ABTB2: variants seen among roughly 807,000 people sequenced by gnomAD.
The protein encoded by ABTB2 is ankyrin repeat and BTB domain containing 2.
In ABTB2, 56 loss-of-function variants were observed where a neutral mutation model predicts 104.1. The ratio of observed to expected loss-of-function variants is 0.54; its 90% CI spans 0.43 to 0.67. The LOEUF (loss-of-function observed/expected upper bound fraction) is 0.67, where lower values mean the gene tolerates loss of function less well. Among genes scored for constraint, ABTB2 ranks in the 30% least tolerant of loss-of-function variants. ABTB2 has a pLI of 0.00. For synonymous variants in ABTB2, 606 were observed against 608.2 expected, an observed-to-expected ratio of 1.00 and a Z score of 0.05; for missense variants, 1,279 against 1,407.7, an observed-to-expected ratio of 0.91 and a Z score of 1.46.
At chr11:34,255,008 G>T (rs771304590) in intron 1 of ABTB2, among the ~76,000 whole-genome samples, 6 of 152,074 alleles carry the variant, frequency 3.9e-5, no homozygotes, top group Non-Finnish European at 7.4e-5. Context: ...GCCACATATG[G>T]TTAGTGGGTA....
intron 1 of ABTB2, among the ~76,000 whole-genome samples, chr11:34,283,294 C>T (rs1854469761): frequency 1.3e-5 from 2 of 152,162 alleles, no homozygotes; most frequent in Non-Finnish European, 2.9e-5. Flanking sequence ...CAGCTCACTA[C>T]AACCTCCACC....
At chr11:34,159,811 G>A (rs1365297748) in intron 13 of ABTB2, 95 bp downstream of exon 13, 1 of 985,058 alleles carries the variant, frequency 1.0e-6, no homozygotes, top group South Asian at 1.4e-5. Flanking sequence ...AGGCTGCAGG[G>A]TACAGCCCCA....
intron 1 of ABTB2, among the ~76,000 whole-genome samples, chr11:34,334,908 A>C (rs1336660601): frequency 9.2e-5 from 14 of 152,144 alleles, no homozygotes; most frequent in African/African-American, 3.4e-4. Flanking sequence ...CAACCTATAC[A>C]ATGTGGGTGT....
intron 3 of ABTB2, among the ~76,000 whole-genome samples, 156 bp from the exon 4 acceptor site, chr11:34,173,463 TAG>T (rs1023051126): frequency 5.3e-5 from 8 of 151,904 alleles, no homozygotes; most frequent in African/African-American, 1.9e-4. Context: ...GGGTCAGGCC[TAG>T]AGAGAGTGCT....
chr11:34,159,008 C>A (rs1852670475), intron 14 of ABTB2, among the ~76,000 whole-genome samples: 1 of 152,216 alleles, frequency 6.6e-6, no homozygotes, highest in African/African-American at 2.4e-5. Flanking sequence ...GACTCACACC[C>A]CAGCTGTGTG....
At chr11:34,303,731 C>A (rs975300712) in intron 1 of ABTB2, among the ~76,000 whole-genome samples, 2 of 146,646 alleles carry the variant, frequency 1.4e-5, no homozygotes, top group Non-Finnish European at 3.0e-5. Flanking sequence ...CAGCCTCTGT[C>A]TCCTGGGATC....
intron 1 of ABTB2, among the ~76,000 whole-genome samples, chr11:34,257,907 A>T (rs979134255): frequency 6.6e-6 from 1 of 151,992 alleles, no homozygotes; most frequent in Non-Finnish European, 1.5e-5. Context: ...CCTTGAGGAG[A>T]TATTCTCTAC....
At chr11:34,172,398 AT>A (rs1565131613) in intron 4 of ABTB2, among the ~76,000 whole-genome samples, 11 of 30,050 alleles carry the variant, frequency 3.7e-4, no homozygotes, top group African/African-American at 1.1e-3. Context: ...AAAAAAAAAT[AT>A]ATATATATAT....
intron 3 of ABTB2, chr11:34,189,271 C>CAAAAG (rs1180908485): frequency 6.6e-6 from 1 of 151,632 alleles, no homozygotes; most frequent in Non-Finnish European, 1.5e-5. Context: ...CTTGACTAGC[C>CAAAAG]AAAAGAAAAG....
At chr11:34,203,167 C>T (rs1273128838) in intron 2 of ABTB2, among the ~76,000 whole-genome samples, 1 of 152,170 alleles carries the variant, frequency 6.6e-6, no homozygotes, top group African/African-American at 2.4e-5. Context: ...CAGCCCTAGA[C>T]ACGTCCAGAG....
chr11:34,242,187 G>A (rs1347763098), intron 1 of ABTB2, among the ~76,000 whole-genome samples: 1 of 152,128 alleles, frequency 6.6e-6, no homozygotes, highest in Non-Finnish European at 1.5e-5. Flanking sequence ...TGCTTGTGAT[G>A]AGGCCTTCTG....
At chr11:34,305,979 T>C (rs1330893458) in intron 1 of ABTB2, among the ~76,000 whole-genome samples, 1 of 152,092 alleles carries the variant, frequency 6.6e-6, no homozygotes, top group Non-Finnish European at 1.5e-5. Context: ...ATATTAAGAG[T>C]CAGCAAAACC....
At chr11:34,168,397 C>A (rs1852830887) in intron 5 of ABTB2, among the ~76,000 whole-genome samples, 1 of 152,182 alleles carries the variant, frequency 6.6e-6, no homozygotes, top group Non-Finnish European at 1.5e-5. Flanking sequence ...GTATAAAGTG[C>A]TTAGTTCAGA....
intron 12 of ABTB2, 21 bp downstream of exon 12, chr11:34,160,227 G>A: frequency 6.3e-7 from 1 of 1,581,804 alleles, no homozygotes; most frequent in Non-Finnish European, 8.7e-7. Flanking sequence ...GTGATGCAGG[G>A]CGCAGGGGGC....
intron 1 of ABTB2, among the ~76,000 whole-genome samples, chr11:34,322,736 A>G (rs944092244): frequency 6.6e-5 from 10 of 152,108 alleles, no homozygotes; most frequent in Non-Finnish European, 1.0e-4. Context: ...CAGTGGTGCA[A>G]TCTTGGCTCA....
At chr11:34,177,348 C>T (rs1852970447) in intron 3 of ABTB2, among the ~76,000 whole-genome samples, 1 of 152,236 alleles carries the variant, frequency 6.6e-6, no homozygotes, top group African/African-American at 2.4e-5. Context: ...ATACACTGGG[C>T]TCATTCAGCC....
At chr11:34,313,329 C>T (rs193139710) in intron 1 of ABTB2, among the ~76,000 whole-genome samples, 64 of 152,302 alleles carry the variant, frequency 4.2e-4, no homozygotes, top group Middle Eastern at 3.4e-3. Context: ...GGCCGGCTCC[C>T]GAGCACCTCA....
chr11:34,228,658 T>C (rs879654967), intron 1 of ABTB2, among the ~76,000 whole-genome samples: 2 of 152,110 alleles, frequency 1.3e-5, no homozygotes, highest in Non-Finnish European at 2.9e-5. Flanking sequence ...GATTACAGCA[T>C]GTGCCACCGC....
intron 2 of ABTB2, among the ~76,000 whole-genome samples, chr11:34,200,340 A>G (rs991576570): frequency 2.0e-5 from 3 of 152,192 alleles, no homozygotes; most frequent in African/African-American, 7.2e-5. Flanking sequence ...TTCCTGCTTC[A>G]TGTAGACAAG....
Sources: allele counts gnomAD v4.1 joint callset (sites outside exome capture counted in the v4.1 genomes callset), GRCh38; gene constraint gnomAD v4.1.1; transcripts MANE v1.5; gene names NCBI Gene and HGNC (gene_info 2026-07-23, HGNC 2026-07-21).